ZDHHC3: variants seen among roughly 807,000 people sequenced by gnomAD.
ZDHHC3 encodes zDHHC palmitoyltransferase 3.
In ZDHHC3, 9 loss-of-function variants were observed where a neutral mutation model predicts 30.6. That is an observed-to-expected ratio of 0.29 (90% CI 0.18 to 0.51). The LOEUF (loss-of-function observed/expected upper bound fraction) is 0.51, where lower values mean the gene tolerates loss of function less well. Among genes scored for constraint, ZDHHC3 ranks in the 20% least tolerant of loss-of-function variants. ZDHHC3 has a pLI of 0.97. For missense variants in ZDHHC3, 246 were observed against 384.2 expected (o/e 0.64, Z 3.01); for synonymous variants, 136 against 140.2 (o/e 0.97, Z 0.21).
intron 1 of ZDHHC3, among the ~76,000 whole-genome samples, chr3:44,970,297 T>C (rs958194283): frequency 1.3e-5 from 2 of 152,160 alleles, no homozygotes; most frequent in Admixed American, 6.5e-5. Flanking sequence ...AGCCCCTGCT[T>C]ACCTGGTGAG....
chr3:44,974,610 AT>A (rs1199741170), intron 1 of ZDHHC3, among the ~76,000 whole-genome samples: 1 of 152,226 alleles, frequency 6.6e-6, no homozygotes, highest in African/African-American at 2.4e-5. Context: ...CTGTGCCTTC[AT>A]TAGGGAGGAA....
intron 3 of ZDHHC3, among the ~76,000 whole-genome samples, chr3:44,943,723 A>G (rs904078632): frequency 6.6e-6 from 1 of 152,138 alleles, no homozygotes; most frequent in Admixed American, 6.5e-5. Flanking sequence ...GTTTCCTTGT[A>G]TGTCAGTCGA....
intron 2 of ZDHHC3, among the ~76,000 whole-genome samples, chr3:44,946,763 C>T (rs919888352): frequency 1.2e-4 from 19 of 152,062 alleles, no homozygotes; most frequent in Non-Finnish European, 2.6e-4. Flanking sequence ...ATCTGGGAGA[C>T]AGGGAGAATA....
intron 1 of ZDHHC3, among the ~76,000 whole-genome samples, chr3:44,962,930 C>G (rs1170340588): frequency 6.6e-6 from 1 of 152,172 alleles, no homozygotes; most frequent in African/African-American, 2.4e-5. Context: ...GGGTAATAGG[C>G]CTTCAGGGAA....
chr3:44,963,525 C>G (rs533687798), intron 1 of ZDHHC3, among the ~76,000 whole-genome samples: 1 of 147,452 alleles, frequency 6.8e-6, no homozygotes, highest in African/African-American at 2.5e-5. Context: ...CACCACGAAA[C>G]AAACTGTATA....
chr3:44,917,775 G>A lies in ZDHHC3; in HGVS notation c.*8914C>T. ...GGGGAAATGGCAAGGCCAAGCGAGT[G>A]GCTAAGGGAAGCACTGGGGGTGCTG... On this transcript the variant is annotated 3_prime_UTR_variant, in exon 7 of 7. Transcript: ENST00000424952. The A allele has an allele frequency of 8.5e-7, 1 of 1,174,134 alleles. No individual in the cohort carries two copies. The highest frequency in any genetic ancestry group is 1.5e-5 in the South Asian group (1 of 68,564). 72.7% of individuals were successfully genotyped at this position (1,174,134 alleles called of 1,614,324 possible). A position where few individuals can be genotyped will look rare whatever the true frequency, so the allele number is the denominator to read the frequency against.
chr3:44,931,097 T>A (rs114465466), intron 5 of ZDHHC3, among the ~76,000 whole-genome samples: 365 of 152,350 alleles, frequency 2.4e-3, no homozygotes, highest in African/African-American at 6.9e-3. Flanking sequence ...TTTGTTTTGC[T>A]TACTGCTGTA....
At chr3:44,964,771 T>C (rs2125921508) in intron 1 of ZDHHC3, among the ~76,000 whole-genome samples, 1 of 152,368 alleles carries the variant, frequency 6.6e-6, no homozygotes, top group South Asian at 2.1e-4. Context: ...GCTAATAGTT[T>C]TCCAAGGAAG....
intron 1 of ZDHHC3, among the ~76,000 whole-genome samples, chr3:44,973,842 GT>G (rs1352420371): frequency 1.3e-5 from 2 of 152,088 alleles, no homozygotes; most frequent in Admixed American, 6.6e-5. Flanking sequence ...AGAGTATAAG[GT>G]TTTAGAATAC....
At chr3:44,953,379 G>C (rs981645415) in intron 2 of ZDHHC3, among the ~76,000 whole-genome samples, 2 of 152,176 alleles carry the variant, frequency 1.3e-5, no homozygotes, top group African/African-American at 4.8e-5. Context: ...CTAGTATTAA[G>C]ATTGAAACAG....
At chr3:44,946,201 G>C (rs1702918700) in intron 2 of ZDHHC3, among the ~76,000 whole-genome samples, 1 of 152,260 alleles carries the variant, frequency 6.6e-6, no homozygotes, top group Non-Finnish European at 1.5e-5. Flanking sequence ...GCAACTGGGA[G>C]CTGCTGCCCT....
chr3:44,958,260 GC>G (rs950258971), intron 2 of ZDHHC3, among the ~76,000 whole-genome samples: 2 of 152,126 alleles, frequency 1.3e-5, no homozygotes, highest in Admixed American at 1.3e-4. Flanking sequence ...AGGAAATGGA[GC>G]CCTTTGAGAC....
In ZDHHC3 at chr3:44,934,158, C is replaced by T. The variant is rs549730816; in HGVS notation, c.432-174G>A. ...GGGCTTGGGAGGCAGGGTCAGGACC[C>T]CAGGGGTGGCAGTCATTCCAAACGG... On this transcript the variant is annotated intron_variant, in intron 3 of 6. Transcript: ENST00000424952. Among the ~76,000 whole-genome samples, 4 of 152,194 alleles carry T rather than the reference C, an allele frequency of 2.6e-5. No individual in the cohort carries two copies. In the South Asian group the frequency reaches 8.3e-4, roughly 32 times the overall value.
At chr3:44,944,777 C>G (rs1290771199) in intron 3 of ZDHHC3, among the ~76,000 whole-genome samples, 2 of 152,182 alleles carry the variant, frequency 1.3e-5, no homozygotes, top group Non-Finnish European at 2.9e-5. Context: ...CATTTCAAGT[C>G]CCAGACATTC....
intron 5 of ZDHHC3, among the ~76,000 whole-genome samples, chr3:44,930,976 C>T (rs1701438748): frequency 1.3e-5 from 2 of 152,208 alleles, no homozygotes; most frequent in African/African-American, 4.8e-5. Context: ...ATATTCTGTT[C>T]CAGCCCCTGT....
chr3:44,970,370 T>C (rs1176923233), intron 1 of ZDHHC3, among the ~76,000 whole-genome samples: 2 of 152,208 alleles, frequency 1.3e-5, no homozygotes, highest in East Asian at 3.9e-4. Flanking sequence ...CTAAAGGGAA[T>C]GAAGACTGAG....
In ZDHHC3 at chr3:44,922,717, C is replaced by T. The variant is rs960879529; in HGVS notation, c.*3972G>A. On this transcript the variant is annotated 3_prime_UTR_variant, in exon 7 of 7. Coordinates refer to ENST00000424952, the MANE Select transcript of ZDHHC3 (RefSeq NM_001135179.2). ...AATCACCTGGAGGGCTGTTAAGACACGGGCTGCTGGGCCCCGCTCGGTTTC... is the reference window on the plus strand; with the variant it reads ...AATCACCTGGAGGGCTGTTAAGACATGGGCTGCTGGGCCCCGCTCGGTTTC... 21 of 984,774 alleles carry T rather than the reference C, an allele frequency of 2.1e-5. No homozygotes were observed. The highest frequency in any genetic ancestry group is 1.9e-5 in the Non-Finnish European group (16 of 829,498). 61.0% of individuals were successfully genotyped at this position (984,774 alleles called of 1,614,324 possible).
intron 1 of ZDHHC3, among the ~76,000 whole-genome samples, chr3:44,967,050 G>A (rs866013340): frequency 3.9e-5 from 6 of 151,956 alleles, no homozygotes; most frequent in Non-Finnish European, 8.8e-5. Flanking sequence ...CCCTCTGACT[G>A]CCTTTTGTCT....
At chr3:44,966,067 C>G (rs547570201) in intron 1 of ZDHHC3, among the ~76,000 whole-genome samples, 1 of 152,172 alleles carries the variant, frequency 6.6e-6, no homozygotes. Context: ...GTTTAACAAA[C>G]TTGAAATCAG....
Sources: allele counts gnomAD v4.1 joint callset (sites outside exome capture counted in the v4.1 genomes callset), GRCh38; gene constraint gnomAD v4.1.1; transcripts MANE v1.5; gene names NCBI Gene and HGNC (gene_info 2026-07-23, HGNC 2026-07-21).